Variants in SEPTIN14 observed in about 807,000 individuals in gnomAD.
SEPTIN14 encodes the protein septin 14.
A neutral mutation model predicts 53.6 loss-of-function variants in SEPTIN14; 40 were observed. The observed-to-expected ratio is 0.75, with a 90% CI of 0.58 to 0.97. The LOEUF (loss-of-function observed/expected upper bound fraction) is 0.97. SEPTIN14 is among the 50% of genes least tolerant of loss of function. SEPTIN14 has a pLI of 0.00. For synonymous variants in SEPTIN14, 138 were observed against 166.8 expected, an observed-to-expected ratio of 0.83 and a Z score of 1.33; for missense variants, 471 against 508.2, an observed-to-expected ratio of 0.93 and a Z score of 0.70.
chr7:55,804,179 A>G (rs1025786924), intron 9 of SEPTIN14, among the ~76,000 whole-genome samples: 17 of 145,998 alleles, frequency 1.2e-4, no homozygotes, highest in African/African-American at 3.3e-4. Context: ...AGATCCAGCT[A>G]TGTCTCTTGT....
At chr7:55,858,423 A>G (rs1315769818) in intron 2 of SEPTIN14, among the ~76,000 whole-genome samples, 1 of 152,226 alleles carries the variant, frequency 6.6e-6, no homozygotes, top group Non-Finnish European at 1.5e-5. Context: ...AGGAAGACTT[A>G]AGGTTGAGGG....
intron 7 of SEPTIN14, chr7:55,811,081 G>T: frequency 6.6e-6 from 3 of 452,418 alleles, no homozygotes; most frequent in Non-Finnish European, 1.3e-5. Flanking sequence ...ATCACCTTTC[G>T]TGTTTCAGCA....
chr7:55,841,853 CAAAAAAAA>C (rs58433679), intron 5 of SEPTIN14, among the ~76,000 whole-genome samples: 5 of 73,528 alleles, frequency 6.8e-5, no homozygotes, highest in African/African-American at 1.1e-4. Flanking sequence ...GAAACTCCGC[CAAAAAAAA>C]AAAAAAAAAA....
chr7:55,855,039 C>T (rs560281824), intron 2 of SEPTIN14, among the ~76,000 whole-genome samples: 65 of 147,900 alleles, frequency 4.4e-4, no homozygotes, highest in South Asian at 6.4e-4. Flanking sequence ...GACAGAGTCT[C>T]GCTCTTTCGC....
chr7:55,857,407 A>G (rs1248243625), intron 2 of SEPTIN14, among the ~76,000 whole-genome samples: 4 of 142,716 alleles, frequency 2.8e-5, no homozygotes, highest in African/African-American at 1.0e-4. Flanking sequence ...AGAAGAGAAG[A>G]GAAGAGAAAG....
intron 9 of SEPTIN14, among the ~76,000 whole-genome samples, chr7:55,800,441 T>C (rs1272378122): frequency 6.6e-6 from 1 of 152,016 alleles, no homozygotes; most frequent in Non-Finnish European, 1.5e-5. Flanking sequence ...CTGGCCAACA[T>C]GGTAAAACTC....
chr7:55,850,674 C>T (rs1264750275), intron 2 of SEPTIN14: 1 of 152,080 alleles, frequency 6.6e-6, no homozygotes. Context: ...AACTATTCCC[C>T]ACATCCTATC....
Position 55,805,039 on chromosome 7 carries a change from C to A in SEPTIN14, c.1119+219G>T, listed in dbSNP as rs544837706. 2.2e-4 allele frequency among the ~76,000 whole-genome samples: 34 copies of A among 152,134 alleles called. 1 individual carries two copies. Among genetic ancestry groups the A allele is most frequent in the Admixed American group, 1.9e-3 (29 of 15,262 alleles). On this transcript the variant is annotated intron_variant, in intron 9 of 9. Coordinates refer to ENST00000388975, the MANE Select transcript of SEPTIN14 (RefSeq NM_207366.3). ...TAAAACATAATTTTTATAAAATTAT[C>A]TTCAGGGTTATTTAAATGGGAAAAT...
At position 55,819,108 on chromosome 7, in the gene SEPTIN14, T is replaced by C; in HGVS notation, c.817+19A>G. 3 of 1,397,376 alleles carry C rather than the reference T, an allele frequency of 2.1e-6. No homozygotes were observed. Among genetic ancestry groups the C allele is most frequent in the Non-Finnish European group, 3.0e-6 (3 of 1,001,776 alleles). 86.6% of individuals were successfully genotyped at this position (1,397,376 alleles called of 1,614,324 possible). ...TATTTAACTTAATCATTCCAAAGCC[T>C]GCCCTCTGTCATTTTTACCTTGCAA... On this transcript the variant is annotated intron_variant, in intron 7 of 9. Coordinates refer to ENST00000388975, the MANE Select transcript of SEPTIN14 (RefSeq NM_207366.3).
chr7:55,813,592 T>A (rs1788742491), intron 7 of SEPTIN14, among the ~76,000 whole-genome samples: 1 of 152,030 alleles, frequency 6.6e-6, no homozygotes, highest in African/African-American at 2.4e-5. Context: ...AAGAGAACTT[T>A]ATCTTACAAC....
chr7:55,841,451 A>T lies in SEPTIN14; in HGVS notation c.558+1491T>A, dbSNP rs969539878. Among the ~76,000 whole-genome samples the T allele has an allele frequency of 5.9e-5, 9 of 152,018 alleles. 1 individual carries two copies. Among genetic ancestry groups the T allele is most frequent in the African/African-American group, 2.2e-4 (9 of 41,400 alleles). On this transcript the variant is annotated intron_variant, in intron 5 of 9. Coordinates refer to ENST00000388975, the MANE Select transcript of SEPTIN14 (RefSeq NM_207366.3). ...TTTTTTTATGTTTAGATACACAGACAAGGCTGGGCGCAGTGGTTCACGCTT... is the reference window on the plus strand; with the variant it reads ...TTTTTTTATGTTTAGATACACAGACTAGGCTGGGCGCAGTGGTTCACGCTT...
At chr7:55,852,516 T>G (rs1789536985) in intron 2 of SEPTIN14, among the ~76,000 whole-genome samples, 1 of 152,136 alleles carries the variant, frequency 6.6e-6, no homozygotes, top group South Asian at 2.1e-4. Context: ...CTCCTATCTC[T>G]TATCATATAT....
intron 9 of SEPTIN14, among the ~76,000 whole-genome samples, chr7:55,796,412 A>G (rs1788433248): frequency 6.6e-6 from 1 of 151,902 alleles, no homozygotes; most frequent in Admixed American, 6.6e-5. Context: ...ACAGGCATGC[A>G]CCACCATGCC....
chr7:55,846,111 A>T (rs1789405311), intron 3 of SEPTIN14, among the ~76,000 whole-genome samples: 2 of 128,912 alleles, frequency 1.6e-5, no homozygotes, highest in African/African-American at 2.8e-5. Context: ...GCTAGCCCTG[A>T]TTCTCTCAGT....
chr7:55,849,644 G>A (rs1789485427), intron 2 of SEPTIN14, among the ~76,000 whole-genome samples: 1 of 152,018 alleles, frequency 6.6e-6, no homozygotes. Flanking sequence ...TACTCAGGAG[G>A]CTGAGGTAGG....
intron 7 of SEPTIN14, among the ~76,000 whole-genome samples, chr7:55,810,366 T>C (rs1788679575): frequency 6.6e-6 from 1 of 152,142 alleles, no homozygotes. Flanking sequence ...TTTTGGACAT[T>C]TGCCCCTTAT....
chr7:55,811,256 T>C, intron 7 of SEPTIN14: 3 of 523,434 alleles, frequency 5.7e-6, no homozygotes, highest in Non-Finnish European at 1.2e-5. Context: ...TGTTGTAGAG[T>C]TTATCCACCT....
intron 6 of SEPTIN14, among the ~76,000 whole-genome samples, chr7:55,833,178 G>A (rs1789140581): frequency 3.9e-5 from 6 of 152,042 alleles, no homozygotes; most frequent in Admixed American, 3.9e-4. Context: ...AGCCGGATGT[G>A]GTGGCGCACG....
intron 5 of SEPTIN14, among the ~76,000 whole-genome samples, chr7:55,835,562 G>A (rs117231282): frequency 0.013 from 2,028 of 152,134 alleles, 19 homozygotes; most frequent in Non-Finnish European, 0.022. Flanking sequence ...CAAATTCAAA[G>A]AACTTTCCTC....
Sources: gnomAD v4.1 joint callset for allele counts (sites outside exome capture counted in the v4.1 genomes callset) on GRCh38, gnomAD v4.1.1 for gene constraint, MANE v1.5 for transcripts, NCBI Gene and HGNC (gene_info 2026-07-23, HGNC 2026-07-21) for gene names.